Variants in FMNL3 observed in about 807,000 individuals in gnomAD.
FMNL3 encodes formin-like protein 3.
In FMNL3, 57 loss-of-function variants were observed where a neutral mutation model predicts 119.6. The observed-to-expected ratio is 0.48, with a 90% CI of 0.39 to 0.59. The LOEUF is 0.59. Ranked by LOEUF, FMNL3 falls within the 20% of genes least tolerant of loss-of-function variation. FMNL3 has a pLI of 0.00. For synonymous variants in FMNL3, 491 were observed against 507.3 expected (o/e 0.97, Z 0.43); for missense variants, 1,053 against 1,323.5 (o/e 0.80, Z 3.17).
rs377670850 is a variant in FMNL3, at chr12:49,637,608, C to T, written c.*8207G>A. 2.1e-5 allele frequency: 33 copies of T among 1,604,042 alleles called. No individual in the cohort carries two copies. The African/African-American group carries it at 4.3e-4, about 21-fold the overall frequency. The stretch of plus-strand genomic sequence containing the variant: ...GGGTAAGGCAGCCAGGCTCCCCCTT[C>T]TCTGGCCTGGCTTCCTGCCCTGCCA... On this transcript the variant is annotated 3_prime_UTR_variant, in exon 26 of 26. Coordinates refer to ENST00000335154, the MANE Select transcript of FMNL3 (RefSeq NM_175736.5).
chr12:49,650,544 G>T (rs1264000213), intron 17 of FMNL3, 132 bp downstream of exon 17: 4 of 1,007,326 alleles, frequency 4.0e-6, no homozygotes, highest in Non-Finnish European at 5.9e-6. Flanking sequence ...TTCTAGCCAA[G>T]CCAGTGGATG....
At position 49,643,189 on chromosome 12, in the gene FMNL3, C is replaced by T. The variant is rs1942899880; in HGVS notation, c.*2626G>A. Reference sequence around the variant, plus strand: ...CGAGGGCTTCTGGAGGGCAGAGAACCTCTGCACTGACATGTATCTGCTGAT... The same window carrying T: ...CGAGGGCTTCTGGAGGGCAGAGAACTTCTGCACTGACATGTATCTGCTGAT... On this transcript the variant is annotated 3_prime_UTR_variant, in exon 26 of 26. Transcript: ENST00000335154. 1.2e-6 allele frequency: 2 copies of T among 1,612,232 alleles called. No individual in the cohort carries two copies. The highest frequency in any genetic ancestry group is 1.1e-5 in the South Asian group (1 of 90,832).
rs555947257 is a variant in FMNL3 at position 49,678,151 on chromosome 12, C to T, written c.127-9597G>A. 3.3e-5 allele frequency among the ~76,000 whole-genome samples: 5 copies of T among 151,246 alleles called. No homozygotes were observed. The East Asian group carries it at 5.9e-4, about 18-fold the overall frequency. On this transcript the variant is annotated intron_variant, in intron 1 of 25. Transcript: ENST00000335154. ...TGCTGGGATTACAGGCGTGAGCCAC[C>T]GTGCCCGGCCTATTTTATTTTTTTT...
Position 49,643,863 on chromosome 12 carries a change from T to C in FMNL3, c.*1952A>G, listed in dbSNP as rs566216578. 6.2e-7 allele frequency: 1 copy of C among 1,614,166 alleles called. No individual in the cohort carries two copies. Among genetic ancestry groups the C allele is most frequent in the East Asian group, 2.2e-5 (1 of 44,878 alleles). On this transcript the variant is annotated 3_prime_UTR_variant, in exon 26 of 26. Coordinates refer to ENST00000335154, the MANE Select transcript of FMNL3 (RefSeq NM_175736.5). ...AGGTGGGCTCTGGACTCTTACAGAATAGTCCTGAGAGTGAGACAGACCCTG... is the reference window on the plus strand; with the variant it reads ...AGGTGGGCTCTGGACTCTTACAGAACAGTCCTGAGAGTGAGACAGACCCTG...
chr12:49,678,035 TG>T (rs1435372006), intron 1 of FMNL3, among the ~76,000 whole-genome samples: 1 of 151,496 alleles, frequency 6.6e-6, no homozygotes, highest in Non-Finnish European at 1.5e-5. Context: ...GCTAATTTTT[TG>T]TATTTTTAGT....
chr12:49,702,679 C>T (rs1396017315), intron 1 of FMNL3, among the ~76,000 whole-genome samples: 2 of 152,106 alleles, frequency 1.3e-5, no homozygotes, highest in Non-Finnish European at 2.9e-5. Flanking sequence ...AGGGTCATAT[C>T]AGAAGGTCAA....
intron 11 of FMNL3, 149 bp from the exon 12 acceptor site, chr12:49,654,023 A>T (rs1943490756): frequency 1.5e-6 from 2 of 1,292,814 alleles, no homozygotes; most frequent in East Asian, 2.5e-5. Flanking sequence ...GCCCCCATGG[A>T]GCTGCCTGAC....
Position 49,651,151 on chromosome 12 carries a change from A to G in FMNL3, c.1797+17T>C. ...CTAGCCCTCAACCTTAGCCCTCTGG[A>G]CCCCAGGCCCTGTTACCTCCAAGAT... is the stretch of plus-strand genomic sequence containing the variant. On this transcript the variant is annotated intron_variant, in intron 16 of 25. Transcript: ENST00000335154. 3 of 1,610,486 alleles carry G rather than the reference A, an allele frequency of 1.9e-6. No individual in the cohort carries two copies. The highest frequency in any genetic ancestry group is 2.5e-6 in the Non-Finnish European group (3 of 1,176,922).
rs138539063 is a variant in FMNL3, at chr12:49,685,411, A to G, written c.127-16857T>C. ...CAGGAGGTGGAGGTTGCAGTGAGCCAAGATGGTGCCACCGGACTCCAGCCT... is the reference window on the plus strand; with the variant it reads ...CAGGAGGTGGAGGTTGCAGTGAGCCGAGATGGTGCCACCGGACTCCAGCCT... On this transcript the variant is annotated intron_variant, in intron 1 of 25. Coordinates refer to ENST00000335154, the MANE Select transcript of FMNL3 (RefSeq NM_175736.5). 3.2e-3 allele frequency among the ~76,000 whole-genome samples: 490 copies of G among 151,948 alleles called. 2 individuals carry two copies. Among genetic ancestry groups the G allele is most frequent in the South Asian group, 0.017 (84 of 4,802 alleles).
intron 25 of FMNL3, chr12:49,646,643 C>CG: frequency 6.6e-7 from 1 of 1,524,640 alleles, no homozygotes; most frequent in Non-Finnish European, 8.8e-7. Context: ...CAGTACCTGT[C>CG]GGGCCCCAAC....
rs770476539 is a variant in FMNL3 at position 49,649,808 on chromosome 12, C to T, written c.2118G>A (p.Glu706=). 15 of 1,614,116 alleles carry T rather than the reference C, an allele frequency of 9.3e-6. No individual in the cohort carries two copies. The Admixed American group carries it at 2.5e-4, about 27-fold the overall frequency. The part of the protein sequence containing the change: ...QYERERQPLE[E]LAAEDRFMLL... Reference sequence around the variant, plus strand: ...GCATGAAGCGGTCCTCAGCTGCCAACTCCTCCAGGGGCTGCCGCTCCCGCT... The same window carrying T: ...GCATGAAGCGGTCCTCAGCTGCCAATTCCTCCAGGGGCTGCCGCTCCCGCT... The change falls in exon 18 of 26, where the codon GAG becomes GAA. Residue 706 remains glutamate, a synonymous_variant. Transcript: ENST00000335154. This position sits in a 1 kb window ranked among gnomAD's most constrained non-coding sequence, Gnocchi z 5.6.
intron 1 of FMNL3, among the ~76,000 whole-genome samples, chr12:49,704,710 C>CCAAAAAAAAA (rs1944999142): frequency 2.6e-5 from 1 of 37,778 alleles, no homozygotes; most frequent in African/African-American, 5.5e-5. Context: ...AACTCCATCT[C>CCAAAAAAAAA]AAAAAAAAAA....
intron 2 of FMNL3, among the ~76,000 whole-genome samples, chr12:49,666,755 C>A (rs1237127591): frequency 6.6e-6 from 1 of 151,950 alleles, no homozygotes; most frequent in Non-Finnish European, 1.5e-5. Flanking sequence ...TATGATCATG[C>A]CATTGCACTC....
intron 1 of FMNL3, among the ~76,000 whole-genome samples, chr12:49,678,088 T>TCCTGACTTCATGATCTG (rs773748126): frequency 1.1e-3 from 174 of 152,298 alleles, no homozygotes; most frequent in Non-Finnish European, 2.1e-3. Context: ...GGTCTCGATC[T>TCCTGACTTCATGATCTG]CCTGACTTCA....
At position 49,646,919 on chromosome 12, in the gene FMNL3, C is replaced by G; in HGVS notation, c.2962G>C (p.Gly988Arg). Residue 988 changes from glycine (G) to arginine (R), a missense_variant, in exon 25 of 26, where the codon GGG becomes CGG. Physicochemically the swap from Gly to Arg is moderately radical, Grantham distance 125. Coordinates refer to ENST00000335154, the MANE Select transcript of FMNL3 (RefSeq NM_175736.5). ...QAKEHRPVYE[G>R]KDGTIEDIIT... ...ATGTCCTCGATGGTACCATCCTTCC[C>G]CTCATAAACAGGCCGGTGTTCCTTG... is the stretch of plus-strand genomic sequence containing the variant. 6.2e-7 allele frequency: 1 copy of G among 1,614,020 alleles called. No homozygotes were observed. The highest frequency in any genetic ancestry group is 1.3e-5 in the African/African-American group (1 of 75,008).
At position 49,707,186 on chromosome 12, in the gene FMNL3, C is replaced by T; in HGVS notation, c.-6G>A. On this transcript the variant is annotated 5_prime_UTR_variant, in exon 1 of 26. Coordinates refer to ENST00000335154, the MANE Select transcript of FMNL3 (RefSeq NM_175736.5). Reference sequence around the variant, plus strand: ...GCGCTCTCCAGGTTGCCCATCGCGGCGGGGCCCCCTCAGGGGCCTCGGCCC... The same window carrying T: ...GCGCTCTCCAGGTTGCCCATCGCGGTGGGGCCCCCTCAGGGGCCTCGGCCC... 1 of 1,541,192 alleles carries T rather than the reference C, an allele frequency of 6.5e-7. No homozygotes were observed. The highest frequency in any genetic ancestry group is 8.7e-7 in the Non-Finnish European group (1 of 1,148,758).
In FMNL3 at chr12:49,649,079, T is replaced by C; in HGVS notation, c.2465A>G (p.Asp822Gly). 6.2e-7 allele frequency: 1 copy of C among 1,613,206 alleles called. No homozygotes were observed. The highest frequency in any genetic ancestry group is 8.5e-7 in the Non-Finnish European group (1 of 1,179,490). Residue 822 changes from aspartate to glycine, a missense_variant, in exon 21 of 26, where the codon GAC (aspartate) becomes GGC (glycine). By Grantham distance (94) the Asp-to-Gly change is moderately conservative. Transcript: ENST00000335154. The surrounding 1 kb of genome is among the most constrained non-coding windows in gnomAD (Gnocchi z 5.6). ...CAGCTCATGCCAGAAGTTAGCCAGG[T>C]CTGGGTATTTCTCCTTCACTGTCAA... ...IALTVKEKYPDLANFWHELHF... is the reference protein window; with the variant it reads ...IALTVKEKYPGLANFWHELHF...
rs1015618263 is a variant in FMNL3, at chr12:49,640,387, C to T, written c.*5428G>A. 9.9e-5 allele frequency: 15 copies of T among 152,200 alleles called. No individual in the cohort carries two copies. Among genetic ancestry groups the T allele is most frequent in the African/African-American group, 3.6e-4 (15 of 41,428 alleles). 9.4% of individuals were successfully genotyped at this position (152,200 alleles called of 1,614,324 possible). A position where few individuals can be genotyped will look rare whatever the true frequency, so the allele number is the denominator to read the frequency against. ...GAGGACTAAGTGCTGTTCTCAGGAA[C>T]ATGCATATGCAAGAGAATAAAAGGT... On this transcript the variant is annotated 3_prime_UTR_variant, in exon 26 of 26. Transcript: ENST00000335154.
intron 9 of FMNL3, among the ~76,000 whole-genome samples, chr12:49,655,206 C>A (rs1943534414): frequency 6.6e-6 from 1 of 152,162 alleles, no homozygotes; most frequent in South Asian, 2.1e-4. Flanking sequence ...CCGAGATGGG[C>A]ACATCACCTG....
Sources: gnomAD v4.1 joint callset for allele counts (sites outside exome capture counted in the v4.1 genomes callset) on GRCh38, gnomAD v4.1.1 for gene constraint, Gnocchi (gnomAD v3.1) non-coding constraint, MANE v1.5 for transcripts, NCBI Gene and HGNC (gene_info 2026-07-23, HGNC 2026-07-21) for gene names.